STXBP5L: variants seen among roughly 807,000 people sequenced by gnomAD.
STXBP5L encodes syntaxin-binding protein 5-like.
STXBP5L carries 65 observed loss-of-function variants against 144.5 expected under a neutral mutation model. The observed-to-expected ratio is 0.45, with a 90% CI of 0.37 to 0.55. STXBP5L has a LOEUF of 0.55. Ranked by LOEUF, STXBP5L falls within the 20% of genes least tolerant of loss-of-function variation. The probability of loss-of-function intolerance (pLI) is 0.00; values close to 1 mark genes in which losing one functional copy is unlikely to be tolerated. For missense variants in STXBP5L, 1,298 were observed against 1,405.5 expected (o/e 0.92, Z 1.22); for synonymous variants, 505 against 469.6 (o/e 1.08, Z -0.97).
chr3:121,203,736 T>C (rs377051757), intron 9 of STXBP5L, among the ~76,000 whole-genome samples: 2 of 152,236 alleles, frequency 1.3e-5, no homozygotes, highest in Non-Finnish European at 2.9e-5. Flanking sequence ...TGTATATTGA[T>C]TAAAAATGCT....
At chr3:121,116,190 T>A (rs1438906827) in intron 6 of STXBP5L, among the ~76,000 whole-genome samples, 1 of 152,174 alleles carries the variant, frequency 6.6e-6, no homozygotes, top group Non-Finnish European at 1.5e-5. Flanking sequence ...ATTAGGTCCT[T>A]GATAAGATGT....
intron 3 of STXBP5L, among the ~76,000 whole-genome samples, chr3:121,012,482 C>T (rs1944849495): frequency 6.6e-6 from 1 of 151,808 alleles, no homozygotes; most frequent in Admixed American, 6.6e-5. Context: ...GATATCTTTA[C>T]CAACACTTGC....
chr3:120,989,765 C>T (rs185513572), intron 3 of STXBP5L, among the ~76,000 whole-genome samples: 233 of 152,198 alleles, frequency 1.5e-3, no homozygotes, highest in Middle Eastern at 0.01. Flanking sequence ...ATCCTTTTAT[C>T]ATTACATAAT....
chr3:121,054,296 G>C (rs531777390), intron 5 of STXBP5L, among the ~76,000 whole-genome samples: 8 of 152,220 alleles, frequency 5.3e-5, no homozygotes, highest in African/African-American at 1.9e-4. Context: ...GTGCACGAAT[G>C]TTTATTGTGG....
chr3:120,974,765 AG>A lies in STXBP5L; in HGVS notation c.287+19729del, dbSNP rs1940741857. Among the ~76,000 whole-genome samples the A allele has an allele frequency of 6.6e-5, 10 of 152,334 alleles. No individual in the cohort carries two copies. The South Asian group carries it at 2.1e-3, about 32-fold the overall frequency. On this transcript the variant is annotated intron_variant, in intron 3 of 26. Transcript: ENST00000471454. ...CAGTTTCAGCTTTCTACATATGGCT[AG>A]CCAGTTTTCCCAGCACCATTTATTA...
chr3:121,366,792 T>C (rs1454352800), intron 20 of STXBP5L, among the ~76,000 whole-genome samples: 2 of 151,476 alleles, frequency 1.3e-5, no homozygotes, highest in East Asian at 1.9e-4. Context: ...TTCTCTTCTA[T>C]AGGCCTTATA....
intron 5 of STXBP5L, among the ~76,000 whole-genome samples, chr3:121,108,718 C>T (rs1255921666): frequency 6.6e-6 from 1 of 152,116 alleles, no homozygotes; most frequent in East Asian, 1.9e-4. Context: ...CAGGATGATG[C>T]TGGCCTCATA....
intron 15 of STXBP5L, among the ~76,000 whole-genome samples, chr3:121,251,167 T>C (rs1386558147): frequency 6.6e-6 from 1 of 152,172 alleles, no homozygotes; most frequent in Non-Finnish European, 1.5e-5. Context: ...CCTGCAAAGA[T>C]CAAATGATTT....
chr3:120,990,708 T>A (rs1359145833), intron 3 of STXBP5L, among the ~76,000 whole-genome samples: 1 of 152,112 alleles, frequency 6.6e-6, no homozygotes, highest in African/African-American at 2.4e-5. Flanking sequence ...TTGACAAACG[T>A]GACAAAAACA....
rs554162128 is a variant in STXBP5L, at chr3:121,395,867, T to TG, written c.2588-11372dup. Among the ~76,000 whole-genome samples, 474 of 152,318 alleles carry TG rather than the reference T, an allele frequency of 3.1e-3. 3 individuals are homozygous for TG. The highest frequency in any genetic ancestry group is 0.011 in the African/African-American group (445 of 41,578). ...TTCGACAGGTGTTGCTTGTGACAGT[T>TG]GGGGTCCTCCTCAGCGTCAGTCTCG... On this transcript the variant is annotated intron_variant, in intron 22 of 26. Transcript: ENST00000471454.
chr3:120,958,841 G>T (rs566059071), intron 3 of STXBP5L, among the ~76,000 whole-genome samples: 2 of 152,266 alleles, frequency 1.3e-5, no homozygotes, highest in Admixed American at 1.3e-4. Flanking sequence ...TTGAAAACTG[G>T]CACAAGACAG....
chr3:121,072,169 G>A (rs565080174), intron 5 of STXBP5L, among the ~76,000 whole-genome samples: 1 of 152,328 alleles, frequency 6.6e-6, no homozygotes, highest in East Asian at 1.9e-4. Context: ...TAAGATTCTG[G>A]TTACTTCCTG....
At chr3:121,185,691 G>A (rs1216370612) in intron 9 of STXBP5L, among the ~76,000 whole-genome samples, 1 of 152,150 alleles carries the variant, frequency 6.6e-6, no homozygotes. Context: ...TACTGTTTTG[G>A]TTACTATAGC....
At chr3:121,201,682 C>T (rs1350274318) in intron 9 of STXBP5L, among the ~76,000 whole-genome samples, 2 of 151,302 alleles carry the variant, frequency 1.3e-5, no homozygotes, top group African/African-American at 2.4e-5. Flanking sequence ...TTTAGTGCTT[C>T]CTTCAGGAGC....
chr3:121,083,041 A>C (rs1342492013), intron 5 of STXBP5L, among the ~76,000 whole-genome samples: 1 of 151,534 alleles, frequency 6.6e-6, no homozygotes, highest in African/African-American at 2.4e-5. Flanking sequence ...ACTAAAAAGA[A>C]ATACAAAAAT....
intron 2 of STXBP5L, among the ~76,000 whole-genome samples, chr3:120,921,814 A>G (rs953833382): frequency 6.6e-6 from 1 of 151,880 alleles, no homozygotes; most frequent in Non-Finnish European, 1.5e-5. Context: ...GTTCTGTTCC[A>G]TTGGTCTATG....
chr3:121,085,498 G>T (rs1308207129), intron 5 of STXBP5L, among the ~76,000 whole-genome samples: 1 of 152,072 alleles, frequency 6.6e-6, no homozygotes, highest in Non-Finnish European at 1.5e-5. Context: ...CAAAATAAAT[G>T]TGCAAAAATC....
At chr3:121,133,548 T>C (rs911140456) in intron 7 of STXBP5L, among the ~76,000 whole-genome samples, 5 of 152,078 alleles carry the variant, frequency 3.3e-5, no homozygotes, top group African/African-American at 1.2e-4. Flanking sequence ...CCTTCAAAAA[T>C]GTAAGAGAGA....
intron 5 of STXBP5L, among the ~76,000 whole-genome samples, chr3:121,094,574 A>T (rs530816820): frequency 6.6e-6 from 1 of 151,890 alleles, no homozygotes; most frequent in Non-Finnish European, 1.5e-5. Context: ...AGTCTGTTTT[A>T]TCAGAGACTA....
Sources: allele counts gnomAD v4.1 joint callset (sites outside exome capture counted in the v4.1 genomes callset), GRCh38; gene constraint gnomAD v4.1.1; transcripts MANE v1.5; gene names NCBI Gene and HGNC (gene_info 2026-07-23, HGNC 2026-07-21).